TSC2: variants seen among roughly 807,000 people sequenced by gnomAD.
The protein encoded by TSC2 is TSC complex subunit 2, also known as tuberin.
TSC2 carries 29 observed loss-of-function variants against 202.2 expected under a neutral mutation model. That is an observed-to-expected ratio of 0.14 (90% CI 0.11 to 0.20). The LOEUF (loss-of-function observed/expected upper bound fraction) is 0.20. Ranked by LOEUF, TSC2 falls within the 10% of genes least tolerant of loss-of-function variation. The pLI is 1.00. For synonymous variants in TSC2, 1,349 were observed against 1,044.0 expected (o/e 1.29, Z -5.63); for missense variants, 2,429 against 2,420.0 (o/e 1.00, Z -0.08).
intron 26 of TSC2, 152 bp downstream of exon 26, chr16:2,077,878 G>T: frequency 4.4e-6 from 6 of 1,364,134 alleles, no homozygotes; most frequent in Non-Finnish European, 6.0e-6. Flanking sequence ...GGGTGGAAAG[G>T]TTGCATTCTG....
In TSC2 at chr16:2,079,661, C is replaced by G. The variant is rs1163066622; in HGVS notation, c.3389C>G (p.Ser1130Cys). The change falls in exon 29 of 42, where the codon TCC (serine) becomes TGC (cysteine). Residue 1130 changes from serine (S) to cysteine (C), a missense_variant. Ser to Cys is a moderately radical substitution (Grantham distance 112). Transcript: ENST00000219476. The surrounding 1 kb of genome is among the most constrained non-coding windows in gnomAD (Gnocchi z 4.6). ...VSRGARDRVR[S>C]MSGGHGLRVG... is the part of the protein sequence containing the mutation. ...CGTGGGGCCCGGGATCGGGTCCGTT[C>G]CATGTCGGGTGAGCCTTGGCCCCAG... The G allele has an allele frequency of 1.9e-6, 3 of 1,593,326 alleles. No individual in the cohort carries two copies. Among genetic ancestry groups the G allele is most frequent in the South Asian group, 1.1e-5 (1 of 88,332 alleles).
Position 2,048,084 on chromosome 16 carries a change from G to A in TSC2, c.-30+19G>A. 3 of 1,427,996 alleles carry A rather than the reference G, an allele frequency of 2.1e-6. No homozygotes were observed. The highest frequency in any genetic ancestry group is 2.7e-6 in the Non-Finnish European group (3 of 1,097,058). 88.5% of individuals were successfully genotyped at this position (1,427,996 alleles called of 1,614,324 possible). ...GCGCGGGGTAAGTGGCGGTCCCCAC[G>A]GGGCAAGTGGCGGTCCCCACGGGGC... On this transcript the variant is annotated intron_variant, in intron 1 of 41. Coordinates refer to ENST00000219476, the MANE Select transcript of TSC2 (RefSeq NM_000548.5).
intron 10 of TSC2, among the ~76,000 whole-genome samples, chr16:2,059,663 G>T (rs962375287): frequency 6.6e-6 from 1 of 152,048 alleles, no homozygotes; most frequent in Non-Finnish European, 1.5e-5. Context: ...GGGATTATAG[G>T]CATGGGCCAC....
intron 38 of TSC2, chr16:2,087,268 G>A: frequency 2.8e-6 from 1 of 359,154 alleles, no homozygotes; most frequent in South Asian, 2.3e-5. Flanking sequence ...CTGGAGGTGG[G>A]CTGGGTCGGC....
At chr16:2,055,974 G>T (rs986739308) in intron 6 of TSC2, 6 of 625,660 alleles carry the variant, frequency 9.6e-6, no homozygotes, top group Admixed American at 9.3e-5. Context: ...TTTGTTGTTT[G>T]TTTAGAATGT....
At chr16:2,072,146 C>G in intron 19 of TSC2, 95 bp from the exon 20 acceptor site, 2 of 1,596,116 alleles carry the variant, frequency 1.3e-6, no homozygotes, top group African/African-American at 1.3e-5. Context: ...TAGCCCTTGA[C>G]GCTGTGCAGC....
In TSC2 at chr16:2,086,176, C is replaced by CT. The variant is rs2151568557; in HGVS notation, c.4663-16dup. The CT allele has an allele frequency of 1.2e-6, 2 of 1,611,426 alleles. No individual in the cohort carries two copies. Among genetic ancestry groups the CT allele is most frequent in the Non-Finnish European group, 1.7e-6 (2 of 1,179,126 alleles). The stretch of plus-strand genomic sequence containing the variant: ...GCCCGGGAGTGATGCCACCCTGCCT[C>CT]TCCCCTCTCCCCACAGAGCAACAGC... On this transcript the variant is annotated splice_polypyrimidine_tract_variant and intron_variant, in intron 36 of 41. Transcript: ENST00000219476.
rs2084549103 is a variant in TSC2 at position 2,047,997 on chromosome 16, GT to G, written c.-97del. 2.0e-6 allele frequency: 3 copies of G among 1,508,766 alleles called. No homozygotes were observed. The highest frequency in any genetic ancestry group is 2.0e-5 in the Admixed American group (1 of 49,480). The allele number at this position is 1,508,766 out of a possible 1,614,324, so 93.5% of individuals were successfully genotyped here. A position where few individuals can be genotyped will look rare whatever the true frequency, so the allele number is the denominator to read the frequency against. On this transcript the variant is annotated 5_prime_UTR_variant, in exon 1 of 42. Coordinates refer to ENST00000219476, the MANE Select transcript of TSC2 (RefSeq NM_000548.5). The stretch of plus-strand genomic sequence containing the variant: ...AAGTGCGGGTCGCGCTTCCGGCGGC[GT>G]CCCGGGGCCAGGGGGGTGCGCCTTT...
At position 2,084,938 on chromosome 16, in the gene TSC2, C is replaced by T. The variant is rs981915272; in HGVS notation, c.4494-13C>T. ...GCCCTCACCTGGGTGCCCACCATCC[C>T]CTCCCTGTGCAGTTTCGTGTTCCTG... On this transcript the variant is annotated splice_polypyrimidine_tract_variant and intron_variant, in intron 34 of 41. Coordinates refer to ENST00000219476, the MANE Select transcript of TSC2 (RefSeq NM_000548.5). The T allele has an allele frequency of 6.2e-7, 1 of 1,613,260 alleles. No individual in the cohort carries two copies.
At chr16:2,082,164 C>G (rs943282795) in intron 31 of TSC2, 1 of 595,114 alleles carries the variant, frequency 1.7e-6, no homozygotes, top group Admixed American at 3.0e-5. Context: ...CCACCCCACT[C>G]GGCACCGTGC....
chr16:2,078,204 T>C (rs994796704), intron 26 of TSC2: 2 of 214,172 alleles, frequency 9.3e-6, no homozygotes, highest in African/African-American at 2.3e-5. Context: ...CTGCAGGGCA[T>C]GGGCATGGGC....
chr16:2,081,509 G>C, intron 30 of TSC2, 86 bp from the exon 31 acceptor site: 2 of 1,567,504 alleles, frequency 1.3e-6, no homozygotes, highest in Non-Finnish European at 8.8e-7. Flanking sequence ...GGCAAAACCA[G>C]GGCCCAGGCC....
chr16:2,083,866 G>A, intron 33 of TSC2, 50 bp downstream of exon 33: 1 of 1,582,898 alleles, frequency 6.3e-7, no homozygotes, highest in Non-Finnish European at 8.6e-7. Flanking sequence ...GGGCTCCTTA[G>A]GGGAGGCAGG....
At chr16:2,075,344 G>GT (rs140445320) in intron 22 of TSC2, 9,632 of 191,888 alleles carry the variant, frequency 0.05, 1,038 homozygotes, top group African/African-American at 0.22. Flanking sequence ...GGCGAACACG[G>GT]TGAAACCCCG....
At position 2,048,548 on chromosome 16, in the gene TSC2, T is replaced by G. The variant is rs776413393; in HGVS notation, c.-29-39T>G. ...CCGCAGTGGGGAAGGTGGGCAGAGG[T>G]GTTGCTCAGATGTCCCCATTCCTGT... On this transcript the variant is annotated intron_variant, in intron 1 of 41. Transcript: ENST00000219476. 12 of 1,611,554 alleles carry G rather than the reference T, an allele frequency of 7.4e-6. No individual in the cohort carries two copies. The Admixed American group carries it at 2.0e-4, about 27-fold the overall frequency.
chr16:2,070,393 G>T, intron 16 of TSC2, 63 bp from the exon 17 acceptor site: 1 of 1,612,878 alleles, frequency 6.2e-7, no homozygotes, highest in Non-Finnish European at 8.5e-7. Context: ...CGGGACAAGG[G>T]TGCTGTCTTA....
In TSC2 at chr16:2,058,820, C is replaced by G. The variant is rs201144475; in HGVS notation, c.922C>G (p.Arg308Gly). 13 of 1,602,976 alleles carry G rather than the reference C, an allele frequency of 8.1e-6. No individual in the cohort carries two copies. The highest frequency in any genetic ancestry group is 2.6e-6 in the Non-Finnish European group (3 of 1,174,750). ...GGGCATGGCTCTCTGGGGAGCCCAC[C>G]GGCTCTATTCTCTCAGGAACTCGCC... ...FVGMALWGAH[R>G]LYSLRNSPTS... The change falls in exon 10 of 42, where the codon CGG becomes GGG. Residue 308 changes from arginine (R) to glycine (G), a missense_variant. Coordinates refer to ENST00000219476, the MANE Select transcript of TSC2 (RefSeq NM_000548.5).
In TSC2 at chr16:2,073,003, C is replaced by T. The variant is rs1031112467; in HGVS notation, c.2355+20C>T. On this transcript the variant is annotated intron_variant, in intron 21 of 41. Transcript: ENST00000219476. ...AAACAGGTAGGAGGTCAGAGCAGGA[C>T]AGGCGAGCTTGATGGGGCCTGGGAT... is the stretch of plus-strand genomic sequence containing the variant. The T allele has an allele frequency of 6.8e-6, 11 of 1,613,036 alleles. No homozygotes were observed. The African/African-American group carries it at 1.1e-4, about 16-fold the overall frequency.
chr16:2,071,821 C>T lies in TSC2; in HGVS notation c.1984C>T (p.Pro662Ser), dbSNP rs1309151152. ...ERGSEKKTSG[P>S]LSPPTGPPGP... ...AGGCTCTGAGAAGAAGACCAGCGGC[C>T]CCCTTTCTCCTCCCACAGGGCCTCC... The change falls in exon 19 of 42, where the codon CCC becomes TCC. Residue 662 changes from proline (P) to serine (S), a missense_variant. By Grantham distance (74) the Pro-to-Ser change is moderately conservative (BLOSUM62 -1). Coordinates refer to ENST00000219476, the MANE Select transcript of TSC2 (RefSeq NM_000548.5). 2.5e-6 allele frequency: 4 copies of T among 1,600,394 alleles called. No individual in the cohort carries two copies. Among genetic ancestry groups the T allele is most frequent in the Admixed American group, 1.7e-5 (1 of 58,784 alleles).
Sources: allele counts gnomAD v4.1 joint callset (sites outside exome capture counted in the v4.1 genomes callset), GRCh38; gene constraint gnomAD v4.1.1; non-coding constraint Gnocchi (gnomAD v3.1); transcripts MANE v1.5; gene names NCBI Gene and HGNC (gene_info 2026-07-23, HGNC 2026-07-21).